Variants in C15orf40 observed in about 807,000 individuals in gnomAD.
The protein encoded by C15orf40 is UPF0235 protein C15orf40.
A neutral mutation model predicts 13.9 loss-of-function variants in C15orf40; 9 were observed. The observed-to-expected ratio is 0.65, with a 90% confidence interval of 0.39 to 1.13. C15orf40 has a LOEUF of 1.13. C15orf40 is among the 50% of genes most tolerant of loss of function. The pLI is 0.01. For synonymous variants in C15orf40, 95 were observed against 69.2 expected (o/e 1.37, Z -1.85); for missense variants, 225 against 188.5 (o/e 1.19, Z -1.13).
At chr15:83,005,897 C>G (rs181563050) in intron 3 of C15orf40, among the ~76,000 whole-genome samples, 21 of 152,138 alleles carry the variant, frequency 1.4e-4, no homozygotes, top group Non-Finnish European at 1.5e-5. Flanking sequence ...AGGGTTTTTA[C>G]CTTCATACAT....
In C15orf40 at chr15:83,004,189, T is replaced by C; in HGVS notation, c.*1408A>G. On this transcript the variant is annotated 3_prime_UTR_variant, in exon 4 of 4. Coordinates refer to ENST00000304177, the MANE Select transcript of C15orf40 (RefSeq NM_144597.3). ...CAGGGTCTCACTTCGTTGCCCAGGCTGGTCTCAAACTCCTGGGCTCAAGTG... is the reference window on the plus strand; with the variant it reads ...CAGGGTCTCACTTCGTTGCCCAGGCCGGTCTCAAACTCCTGGGCTCAAGTG... 1 of 270,464 alleles carries C rather than the reference T, an allele frequency of 3.7e-6. No homozygotes were observed. Among genetic ancestry groups the C allele is most frequent in the Non-Finnish European group, 5.7e-6 (1 of 176,370 alleles). The allele number at this position is 270,464 out of a possible 1,614,324, so 16.8% of individuals were successfully genotyped here.
intron 3 of C15orf40, chr15:83,006,288 G>C (rs749644311): frequency 8.1e-5 from 60 of 742,366 alleles, no homozygotes; most frequent in Non-Finnish European, 9.5e-5. Flanking sequence ...AGTTAAAAAT[G>C]AAAATCATCT....
downstream of C15orf40, among the ~76,000 whole-genome samples, chr15:82,992,307 G>A (rs1422767390): frequency 6.6e-6 from 1 of 152,148 alleles, no homozygotes; most frequent in Non-Finnish European, 1.5e-5. Context: ...CCCCAGGTGA[G>A]GAGTTCGAGA....
At chr15:83,010,536 A>G in intron 1 of C15orf40, 173 bp from the exon 2 acceptor site, 1 of 655,704 alleles carries the variant, frequency 1.5e-6, no homozygotes. Flanking sequence ...GCTCTACTCA[A>G]TTTTCCCACG....
In C15orf40 at chr15:83,005,482, C is replaced by A. The variant is rs951388506; in HGVS notation, c.*115G>T. On this transcript the variant is annotated 3_prime_UTR_variant, in exon 4 of 4. Coordinates refer to ENST00000304177, the MANE Select transcript of C15orf40 (RefSeq NM_144597.3). ...TATTTTTCGTAGAGATGGGGTTTCA[C>A]CATGTTGGTCAGGCTGGTCTCGAAC... The A allele has an allele frequency of 1.2e-5, 11 of 930,594 alleles. No individual in the cohort carries two copies. The highest frequency in any genetic ancestry group is 1.7e-5 in the Non-Finnish European group (11 of 663,224). 57.6% of individuals were successfully genotyped at this position (930,594 alleles called of 1,614,324 possible). A position where few individuals can be genotyped will look rare whatever the true frequency, so the allele number is the denominator to read the frequency against.
At chr15:82,994,677 T>G (rs953506433), downstream of C15orf40, 1 of 152,200 alleles carries the variant, frequency 6.6e-6, no homozygotes, top group Non-Finnish European at 1.5e-5. Flanking sequence ...ATGTAAACTA[T>G]TCACTGAAAT....
chr15:83,011,377 A>C, intron 1 of C15orf40, 120 bp downstream of exon 1: 1 of 1,179,590 alleles, frequency 8.5e-7, no homozygotes, highest in Non-Finnish European at 1.1e-6. Context: ...GAGCCCCGGA[A>C]CTGAGAGACG....
At chr15:82,989,963 C>T (rs147533881), downstream of C15orf40, 3 of 1,609,542 alleles carry the variant, frequency 1.9e-6, no homozygotes, top group Non-Finnish European at 2.5e-6. Context: ...GTGGCATGGA[C>T]GATCCTGGGG....
chr15:83,006,032 C>T (rs1268452052), intron 3 of C15orf40, among the ~76,000 whole-genome samples: 1 of 151,942 alleles, frequency 6.6e-6, no homozygotes, highest in African/African-American at 2.4e-5. Flanking sequence ...GAGTTCAAGA[C>T]CAGCCTGACC....
At chr15:83,010,152 A>G (rs1596413195) in intron 2 of C15orf40, 85 bp downstream of exon 2, 12 of 1,542,788 alleles carry the variant, frequency 7.8e-6, no homozygotes, top group African/African-American at 5.5e-5. Context: ...CTGTCATAGA[A>G]TAAGCTTTCA....
At chr15:83,007,410 G>C (rs2031747729) in intron 3 of C15orf40, among the ~76,000 whole-genome samples, 1 of 152,234 alleles carries the variant, frequency 6.6e-6, no homozygotes, top group Non-Finnish European at 1.5e-5. Context: ...CGGCAGTGAA[G>C]AAGCATAGGC....
downstream of C15orf40, chr15:82,990,687 T>G: frequency 6.6e-7 from 1 of 1,508,566 alleles, no homozygotes; most frequent in Admixed American, 2.0e-5. Flanking sequence ...ATTGTCAGTT[T>G]GTGTCTTGAT....
rs1263923953 is a variant in C15orf40 at position 83,003,832 on chromosome 15, C to G, written c.*1765G>C. On this transcript the variant is annotated 3_prime_UTR_variant, in exon 4 of 4. Transcript: ENST00000304177. ...GCACCGTGTGGGCTCACTGCAACTT[C>G]CGTCTCCTGGGTTCAAGCAATTCTC... 6.6e-6 allele frequency: 1 copy of G among 152,162 alleles called. No individual in the cohort carries two copies. The highest frequency in any genetic ancestry group is 1.5e-5 in the Non-Finnish European group (1 of 68,056). The allele number at this position is 152,162 out of a possible 1,614,324, so 9.4% of individuals were successfully genotyped here. A position where few individuals can be genotyped will look rare whatever the true frequency, so the allele number is the denominator to read the frequency against.
rs962506123 is a variant in C15orf40, at chr15:82,995,405, A to G, written c.*10192T>C. 2 of 152,268 alleles carry G rather than the reference A, an allele frequency of 1.3e-5. No homozygotes were observed. Among genetic ancestry groups the G allele is most frequent in the African/African-American group, 4.8e-5 (2 of 41,472 alleles). The allele number at this position is 152,268 out of a possible 1,614,324, so 9.4% of individuals were successfully genotyped here. A position where few individuals can be genotyped will look rare whatever the true frequency, so the allele number is the denominator to read the frequency against. ...CAGTGCTGTCAGATTAGAAAAGTGG[A>G]GATGAGCTGTGGATAATACCCCTCA... On this transcript the variant is annotated 3_prime_UTR_variant, in exon 4 of 4. Transcript: ENST00000304177.
At chr15:82,991,900 T>C (rs973098245), downstream of C15orf40, 1 of 1,288,812 alleles carries the variant, frequency 7.8e-7, no homozygotes, top group African/African-American at 1.5e-5. Flanking sequence ...CAGAATCTTC[T>C]CTGAAAGCAG....
chr15:83,005,298 C>CG lies in C15orf40; in HGVS notation c.*298dup, dbSNP rs1257076879. ...GATGTATTTTTTATTTCTTTTTTTTCGGGGGGAGAGAGTTTCACTCTTGTT... is the reference window on the plus strand; with the variant it reads ...GATGTATTTTTTATTTCTTTTTTTTCGGGGGGGAGAGAGTTTCACTCTTGTT... On this transcript the variant is annotated 3_prime_UTR_variant, in exon 4 of 4. Transcript: ENST00000304177. 8 of 985,690 alleles carry CG rather than the reference C, an allele frequency of 8.1e-6. No homozygotes were observed. The highest frequency in any genetic ancestry group is 7.7e-5 in the South Asian group (2 of 26,000). The allele number at this position is 985,690 out of a possible 1,614,324, so 61.1% of individuals were successfully genotyped here.
At position 83,010,371 on chromosome 15, in the gene C15orf40, G is replaced by C. The variant is rs759276260; in HGVS notation, c.112-8C>G. 6.2e-7 allele frequency: 1 copy of C among 1,614,000 alleles called. No homozygotes were observed. On this transcript the variant is annotated splice_region_variant and splice_polypyrimidine_tract_variant and intron_variant, in intron 1 of 3. Coordinates refer to ENST00000304177, the MANE Select transcript of C15orf40 (RefSeq NM_144597.3). Reference sequence around the variant, plus strand: ...CTTGCTCTGGCTTTTACCCTAAAATGACAACCACACAACTTTACAGGTTAC... The same window carrying C: ...CTTGCTCTGGCTTTTACCCTAAAATCACAACCACACAACTTTACAGGTTAC...
downstream of C15orf40, chr15:82,994,778 G>A (rs2030984530): frequency 6.6e-6 from 1 of 152,058 alleles, no homozygotes; most frequent in Non-Finnish European, 1.5e-5. Context: ...TATTAAATAA[G>A]GCTTTGGTTA....
chr15:82,992,646 G>GATGT (rs1477609590), downstream of C15orf40, among the ~76,000 whole-genome samples: 2 of 152,226 alleles, frequency 1.3e-5, no homozygotes, highest in Non-Finnish European at 2.9e-5. Context: ...CACAAAGGGA[G>GATGT]ATGTATGGGT....
Sources: allele counts gnomAD v4.1 joint callset (sites outside exome capture counted in the v4.1 genomes callset), GRCh38; gene constraint gnomAD v4.1.1; transcripts MANE v1.5; gene names NCBI Gene and HGNC (gene_info 2026-07-23, HGNC 2026-07-21).